The following GRIK3 variants were observed in gnomAD, a reference collection of about 807,000 sequenced individuals.
The protein encoded by GRIK3 is glutamate ionotropic receptor kainate type subunit 3.
Under a neutral mutation model 102.5 loss-of-function variants are expected in GRIK3, and 29 were observed. The ratio of observed to expected loss-of-function variants is 0.28; its 90% confidence interval spans 0.21 to 0.39. GRIK3 has a LOEUF of 0.39. Among genes scored for constraint, GRIK3 ranks in the 10% least tolerant of loss-of-function variants. GRIK3 has a pLI of 1.00. For synonymous variants in GRIK3, 511 were observed against 504.9 expected (o/e 1.01, Z -0.16); for missense variants, 908 against 1,252.4 (o/e 0.73, Z 4.15).
intron 1 of GRIK3, among the ~76,000 whole-genome samples, chr1:37,007,561 G>A (rs899495592): frequency 2.6e-5 from 4 of 152,202 alleles, no homozygotes; most frequent in African/African-American, 4.8e-5. Flanking sequence ...GGGAGCCACC[G>A]GGCCTGGCTG....
At chr1:36,976,845 C>A (rs1021060556) in intron 1 of GRIK3, among the ~76,000 whole-genome samples, 3 of 152,130 alleles carry the variant, frequency 2.0e-5, no homozygotes, top group Non-Finnish European at 4.4e-5. Context: ...CTGATCGATC[C>A]CCTCCCCAGT....
chr1:36,869,837 AC>A (rs763209952), intron 4 of GRIK3, 36 bp from the exon 5 acceptor site: 1 of 1,558,520 alleles, frequency 6.4e-7, no homozygotes, highest in South Asian at 1.1e-5. Context: ...TCAGCAGGGA[AC>A]CCCTGGGCAG....
chr1:36,803,833 G>C (rs1346334703), intron 15 of GRIK3, among the ~76,000 whole-genome samples: 2 of 152,162 alleles, frequency 1.3e-5, no homozygotes, highest in Non-Finnish European at 2.9e-5. Flanking sequence ...TCTGTTGTTA[G>C]ACATTTAGGT....
intron 1 of GRIK3, among the ~76,000 whole-genome samples, chr1:36,985,142 C>T (rs1369503511): frequency 6.6e-6 from 1 of 151,978 alleles, no homozygotes; most frequent in East Asian, 1.9e-4. Context: ...GCCAGAGGGG[C>T]CAAAGAAGAG....
intron 10 of GRIK3, among the ~76,000 whole-genome samples, chr1:36,840,671 G>A (rs575138801): frequency 6.6e-6 from 1 of 152,148 alleles, no homozygotes; most frequent in Admixed American, 6.5e-5. Flanking sequence ...AGGCTACAGT[G>A]AGCTGTGATG....
At chr1:36,927,882 G>A (rs1307481336) in intron 1 of GRIK3, among the ~76,000 whole-genome samples, 1 of 152,082 alleles carries the variant, frequency 6.6e-6, no homozygotes, top group Non-Finnish European at 1.5e-5. Context: ...GGCTTGCCCT[G>A]TGGTTCCTGA....
intron 10 of GRIK3, among the ~76,000 whole-genome samples, chr1:36,828,662 T>C (rs1360169811): frequency 2.0e-5 from 3 of 152,240 alleles, no homozygotes; most frequent in Non-Finnish European, 4.4e-5. Context: ...TTACTCTATA[T>C]TGCTTTGGGA....
chr1:36,928,600 C>G (rs1183125628), intron 1 of GRIK3, among the ~76,000 whole-genome samples: 1 of 152,178 alleles, frequency 6.6e-6, no homozygotes, highest in East Asian at 1.9e-4. Flanking sequence ...GTCATTCCAA[C>G]AGTAGGCTGA....
At chr1:36,901,795 G>A (rs1641234236) in intron 1 of GRIK3, among the ~76,000 whole-genome samples, 1 of 152,158 alleles carries the variant, frequency 6.6e-6, no homozygotes, top group Non-Finnish European at 1.5e-5. Context: ...TTGTTTACAG[G>A]TGACATGATC....
intron 11 of GRIK3, among the ~76,000 whole-genome samples, chr1:36,825,179 T>G (rs1030377043): frequency 6.6e-6 from 1 of 152,122 alleles, no homozygotes; most frequent in Non-Finnish European, 1.5e-5. Context: ...TGGGCACTGT[T>G]CCCCCTGCTG....
chr1:36,906,027 G>A (rs1014057533), intron 1 of GRIK3, among the ~76,000 whole-genome samples: 2 of 152,204 alleles, frequency 1.3e-5, no homozygotes, highest in Non-Finnish European at 2.9e-5. Context: ...CTAAGTCCAA[G>A]GGATGGAGCC....
chr1:36,811,476 C>T (rs1642561990), intron 13 of GRIK3, among the ~76,000 whole-genome samples: 1 of 152,122 alleles, frequency 6.6e-6, no homozygotes, highest in East Asian at 1.9e-4. Flanking sequence ...CGTCTATGGG[C>T]TGCACAGGCC....
At chr1:36,986,600 G>T (rs1642310056) in intron 1 of GRIK3, among the ~76,000 whole-genome samples, 2 of 152,162 alleles carry the variant, frequency 1.3e-5, no homozygotes, top group African/African-American at 4.8e-5. Context: ...TACCCTCAAG[G>T]AGCTCCCAGC....
intron 1 of GRIK3, among the ~76,000 whole-genome samples, chr1:36,906,289 C>A (rs983783944): frequency 6.6e-6 from 1 of 152,122 alleles, no homozygotes; most frequent in African/African-American, 2.4e-5. Flanking sequence ...AAACCTAGCT[C>A]TATCCACTGG....
At chr1:37,013,153 C>T (rs189523943) in intron 1 of GRIK3, among the ~76,000 whole-genome samples, 1 of 152,252 alleles carries the variant, frequency 6.6e-6, no homozygotes, top group Non-Finnish European at 1.5e-5. Context: ...AAAGGGGAAA[C>T]CCCTTATAAA....
chr1:36,984,404 G>A (rs1321991171), intron 1 of GRIK3, among the ~76,000 whole-genome samples: 1 of 152,244 alleles, frequency 6.6e-6, no homozygotes, highest in African/African-American at 2.4e-5. Flanking sequence ...GGGAGACAGG[G>A]CTAGTGTAAA....
intron 1 of GRIK3, among the ~76,000 whole-genome samples, chr1:36,910,574 G>T (rs1005287902): frequency 2.6e-5 from 4 of 152,210 alleles, no homozygotes; most frequent in Non-Finnish European, 5.9e-5. Context: ...GTGGTGGGGG[G>T]GCGGGGACAG....
Position 36,801,772 on chromosome 1 carries a change from G to A in GRIK3, c.*79C>T. 5.5e-6 allele frequency: 7 copies of A among 1,273,684 alleles called. No individual in the cohort carries two copies. Among genetic ancestry groups the A allele is most frequent in the Non-Finnish European group, 7.5e-6 (7 of 932,862 alleles). 78.9% of individuals were successfully genotyped at this position (1,273,684 alleles called of 1,614,324 possible). On this transcript the variant is annotated 3_prime_UTR_variant, in exon 16 of 16. Transcript: ENST00000373091. ...GCTCTGGTCCCCAAGCCCAGTGCGG[G>A]GACAGGGGACGTTCCTTCCAATCTC...
At position 36,806,806 on chromosome 1, in the gene GRIK3, G is replaced by A. The variant is rs1642506307; in HGVS notation, c.2092-480C>T. On this transcript the variant is annotated intron_variant, in intron 13 of 15. Transcript: ENST00000373091. The surrounding 1 kb of genome is among the most constrained non-coding windows in gnomAD (Gnocchi z 4.0). ...ACCCAGGTACTAAGTAGCAAAGCCA[G>A]GCTTCAAACCCAGGCCATCTGGCTC... is the stretch of plus-strand genomic sequence containing the variant. Among the ~76,000 whole-genome samples the A allele has an allele frequency of 6.6e-6, 1 of 152,172 alleles. No homozygotes were observed. Among genetic ancestry groups the A allele is most frequent in the Non-Finnish European group, 1.5e-5 (1 of 68,032 alleles).
Sources: allele counts gnomAD v4.1 joint callset (sites outside exome capture counted in the v4.1 genomes callset), GRCh38; gene constraint gnomAD v4.1.1; non-coding constraint Gnocchi (gnomAD v3.1); transcripts MANE v1.5; gene names NCBI Gene and HGNC (gene_info 2026-07-23, HGNC 2026-07-21).